Variants in ZMYM2 observed in about 807,000 individuals in gnomAD.
ZMYM2 encodes the protein zinc finger MYM-type protein 2.
In ZMYM2, 56 loss-of-function variants were observed where a neutral mutation model predicts 162.8. The ratio of observed to expected loss-of-function variants is 0.34; its 90% CI spans 0.28 to 0.43. The LOEUF (loss-of-function observed/expected upper bound fraction) is 0.43, where lower values mean the gene tolerates loss of function less well. Among genes scored for constraint, ZMYM2 ranks in the 20% least tolerant of loss-of-function variants. ZMYM2 has a pLI of 1.00. For synonymous variants in ZMYM2, 510 were observed against 541.6 expected (o/e 0.94, Z 0.81); for missense variants, 1,275 against 1,621.8 (o/e 0.79, Z 3.67).
the ZMYM2 span, among the ~76,000 whole-genome samples, chr13:19,913,153 A>C: frequency 3.3e-5 from 5 of 152,126 alleles, no homozygotes; most frequent in Non-Finnish European, 5.9e-5. Flanking sequence ...GCGGGCCCCT[A>C]TAGGTGAATC....
intron 21 of ZMYM2, among the ~76,000 whole-genome samples, chr13:20,077,095 T>A (rs957214760): frequency 2.0e-5 from 3 of 150,674 alleles, no homozygotes; most frequent in Non-Finnish European, 1.5e-5. Context: ...GCCTCTTTAT[T>A]TTTTAATAGC....
chr13:19,922,329 TG>T, the ZMYM2 span, among the ~76,000 whole-genome samples: 10 of 152,158 alleles, frequency 6.6e-5, no homozygotes, highest in South Asian at 2.1e-4. Context: ...TGGCTCTACA[TG>T]GTTAAGCTAT....
At chr13:19,981,620 C>A (rs1957333570) in intron 2 of ZMYM2, among the ~76,000 whole-genome samples, 1 of 152,192 alleles carries the variant, frequency 6.6e-6, no homozygotes. Context: ...ATATTTTTAA[C>A]ATGGAGAAGT....
At chr13:19,885,907 A>ATACACATATATGTG in the ZMYM2 span, among the ~76,000 whole-genome samples, 11 of 30,260 alleles carry the variant, frequency 3.6e-4, 3 homozygotes, top group South Asian at 2.6e-3. Context: ...ACACATATAT[A>ATACACATATATGTG]TGTATATACA....
chr13:19,984,938 G>A (rs1949011929), intron 2 of ZMYM2, among the ~76,000 whole-genome samples: 1 of 152,238 alleles, frequency 6.6e-6, no homozygotes. Flanking sequence ...TGCCCCAGAA[G>A]TGGTTTTCTT....
chr13:19,996,674 A>G (rs1886016), intron 3 of ZMYM2, among the ~76,000 whole-genome samples: 15,444 of 151,942 alleles, frequency 0.1, 1,292 homozygotes, highest in African/African-American at 0.22. Flanking sequence ...CAGAGATTGC[A>G]CCACTGCACT....
chr13:19,954,049 A>G (rs564224823), upstream of ZMYM2, among the ~76,000 whole-genome samples: 1 of 151,282 alleles, frequency 6.6e-6, no homozygotes, highest in African/African-American at 2.4e-5. Flanking sequence ...TGTACAATGC[A>G]TATCCCAGTG....
At chr13:19,900,138 T>TAAA in the ZMYM2 span, among the ~76,000 whole-genome samples, 3 of 151,774 alleles carry the variant, frequency 2.0e-5, no homozygotes, top group African/African-American at 7.3e-5. Flanking sequence ...CCATCTCTAC[T>TAAA]AAAAATACAA....
At chr13:19,875,251 G>A in the ZMYM2 span, among the ~76,000 whole-genome samples, 1,841 of 151,836 alleles carry the variant, frequency 0.012, 38 homozygotes, top group African/African-American at 0.04. Flanking sequence ...TGTGCCACCC[G>A]CAAACCTTGT....
chr13:20,075,670 C>T (rs968517612), intron 21 of ZMYM2, among the ~76,000 whole-genome samples: 16 of 75,738 alleles, frequency 2.1e-4, no homozygotes, highest in South Asian at 5.1e-4. Context: ...CTATAGACAC[C>T]TTTTTTTTTT....
intron 6 of ZMYM2, among the ~76,000 whole-genome samples, chr13:20,009,387 CAT>C (rs1223501485): frequency 2.0e-5 from 3 of 152,140 alleles, no homozygotes; most frequent in East Asian, 1.9e-4. Context: ...GAAAGTAACT[CAT>C]AAGGTTTTTA....
chr13:20,028,953 C>A (rs188874833), intron 9 of ZMYM2, among the ~76,000 whole-genome samples: 10 of 152,116 alleles, frequency 6.6e-5, no homozygotes, highest in African/African-American at 1.9e-4. Context: ...ATAAATAATA[C>A]AAAATTGACA....
At chr13:19,979,688 T>A (rs928305395) in intron 2 of ZMYM2, among the ~76,000 whole-genome samples, 10 of 152,198 alleles carry the variant, frequency 6.6e-5, no homozygotes, top group Non-Finnish European at 1.2e-4. Flanking sequence ...TAAAAGTTCC[T>A]ATCAGCCCTG....
intron 6 of ZMYM2, among the ~76,000 whole-genome samples, chr13:20,014,059 T>G (rs1951411596): frequency 6.6e-6 from 1 of 152,048 alleles, no homozygotes; most frequent in Admixed American, 6.6e-5. Flanking sequence ...GGCCTTCTCT[T>G]TTTTGGGACT....
chr13:20,009,777 A>G (rs1307978531), intron 6 of ZMYM2, among the ~76,000 whole-genome samples: 1 of 152,208 alleles, frequency 6.6e-6, no homozygotes, highest in Non-Finnish European at 1.5e-5. Context: ...AGTATTCATT[A>G]TATGTATATG....
chr13:19,885,925 A>G, the ZMYM2 span, among the ~76,000 whole-genome samples: 11,878 of 23,032 alleles, frequency 0.52, 5,114 homozygotes, highest in Non-Finnish European at 0.86. Context: ...ACACATATAT[A>G]TGTGTATACA....
the ZMYM2 span, among the ~76,000 whole-genome samples, chr13:19,907,063 T>A: frequency 1.3e-5 from 2 of 152,154 alleles, no homozygotes; most frequent in East Asian, 1.9e-4. Flanking sequence ...TCATAATGGC[T>A]TCTTCTTACT....
the ZMYM2 span, among the ~76,000 whole-genome samples, chr13:19,883,314 C>G: frequency 6.6e-6 from 1 of 152,106 alleles, no homozygotes; most frequent in Admixed American, 6.6e-5. Flanking sequence ...TGTTTTATAA[C>G]TTGATAAAGG....
the ZMYM2 span, among the ~76,000 whole-genome samples, chr13:19,894,463 A>G: frequency 2.6e-5 from 4 of 151,324 alleles, no homozygotes; most frequent in African/African-American, 9.8e-5. Context: ...CTTCTGCCTC[A>G]ACCTCCCAAG....
Sources: allele counts gnomAD v4.1 joint callset (sites outside exome capture counted in the v4.1 genomes callset), GRCh38; gene constraint gnomAD v4.1.1; transcripts MANE v1.5; gene names NCBI Gene and HGNC (gene_info 2026-07-23, HGNC 2026-07-21).